RNF38: variants seen among roughly 807,000 people sequenced by gnomAD.
RNF38 encodes the protein ring finger protein 38.
A neutral mutation model predicts 67.2 loss-of-function variants in RNF38; 15 were observed. The observed-to-expected ratio is 0.22, with a 90% CI of 0.15 to 0.34. RNF38 has a LOEUF of 0.34. Ranked by LOEUF, RNF38 falls within the 10% of genes least tolerant of loss-of-function variation. The pLI, the probability that RNF38 is intolerant of heterozygous loss-of-function variation, is 1.00. For missense variants in RNF38, 524 were observed against 639.9 expected (o/e 0.82, Z 1.95); for synonymous variants, 220 against 218.8 (o/e 1.01, Z -0.05).
intron 3 of RNF38, among the ~76,000 whole-genome samples, chr9:36,370,159 T>C (rs1229422153): frequency 2.0e-5 from 3 of 152,206 alleles, no homozygotes; most frequent in Non-Finnish European, 4.4e-5. Flanking sequence ...TGAAAGTATT[T>C]AGAAATCAAC....
chr9:36,438,770 G>A (rs1839127654), intron 1 of RNF38, among the ~76,000 whole-genome samples: 1 of 152,176 alleles, frequency 6.6e-6, no homozygotes, highest in Admixed American at 6.6e-5. Context: ...CTGAATAGGT[G>A]AGAGACTTGA....
At chr9:36,442,510 A>C (rs1218533536) in intron 1 of RNF38, among the ~76,000 whole-genome samples, 1 of 152,228 alleles carries the variant, frequency 6.6e-6, no homozygotes, top group Non-Finnish European at 1.5e-5. Context: ...TGCCAGGCGC[A>C]GTGGCTCACG....
chr9:36,474,296 G>A (rs1004783001), intron 1 of RNF38, among the ~76,000 whole-genome samples: 1 of 148,138 alleles, frequency 6.8e-6, no homozygotes, highest in Admixed American at 6.7e-5. Flanking sequence ...CTGGGCGACA[G>A]AGCAAGACTC....
chr9:36,397,025 GTA>G (rs1485483856), intron 1 of RNF38, among the ~76,000 whole-genome samples: 38 of 112,644 alleles, frequency 3.4e-4, no homozygotes, highest in African/African-American at 1.2e-3. Context: ...GTGTGTGTGT[GTA>G]TATACGTATA....
rs756441630 is a variant in RNF38, at chr9:36,356,266, A to C, written c.909+37T>G. On this transcript the variant is annotated intron_variant, in intron 6 of 11. Transcript: ENST00000259605. Reference sequence around the variant, plus strand: ...TCTGAAAAAATTAAAAATTAGTTAAAAACTAAACATTCTGACATAATAGTA... The same window carrying C: ...TCTGAAAAAATTAAAAATTAGTTAACAACTAAACATTCTGACATAATAGTA... 6.2e-6 allele frequency: 10 copies of C among 1,602,944 alleles called. No individual in the cohort carries two copies. The African/African-American group carries it at 1.2e-4, about 19-fold the overall frequency.
rs71494622 is a variant in RNF38, at chr9:36,373,589, C to CTT, written c.356+2343_356+2344dup. 1.0e-3 allele frequency among the ~76,000 whole-genome samples: 135 copies of CTT among 131,738 alleles called. 1 individual carries two copies. Among genetic ancestry groups the CTT allele is most frequent in the African/African-American group, 3.5e-3 (124 of 35,014 alleles). 86.4% of individuals were successfully genotyped at this position (131,738 alleles called of 152,430 possible). On this transcript the variant is annotated intron_variant, in intron 3 of 11. Coordinates refer to ENST00000259605, the MANE Select transcript of RNF38 (RefSeq NM_022781.5). Reference sequence around the variant, plus strand: ...TGGTGGGTGTATGTATTTGTTAGCCCTTTTTTTTTTTTTTTTTTTAATTTG... The same window carrying CTT: ...TGGTGGGTGTATGTATTTGTTAGCCCTTTTTTTTTTTTTTTTTTTTTAATTTG...
At position 36,342,361 on chromosome 9, in the gene RNF38, G is replaced by A. The variant is rs1437698667; in HGVS notation, c.1449C>T (p.His483=). The change falls in exon 11 of 12, where the codon CAC becomes CAT. Residue 483 remains histidine (H), a synonymous_variant. Transcript: ENST00000259605. ...RQLLRVLPCN[H]EFHAKCVDKW... ...TGTCAACACACTTGGCATGGAACTC[G>A]TGGTTACAGGGTAAGACTCTAAGTA... 2.5e-6 allele frequency: 4 copies of A among 1,613,658 alleles called. No individual in the cohort carries two copies. Among genetic ancestry groups the A allele is most frequent in the South Asian group, 1.1e-5 (1 of 91,068 alleles).
chr9:36,377,121 C>T (rs755795926), intron 2 of RNF38, among the ~76,000 whole-genome samples: 2 of 152,134 alleles, frequency 1.3e-5, no homozygotes, highest in African/African-American at 2.4e-5. Context: ...GCATTAATAA[C>T]ACTCCAGGGT....
intron 1 of RNF38, among the ~76,000 whole-genome samples, chr9:36,484,487 T>C (rs560316459): frequency 1.3e-5 from 2 of 152,324 alleles, no homozygotes; most frequent in South Asian, 4.1e-4. Flanking sequence ...ATTTAGAGTA[T>C]ACTAAATATC....
upstream of RNF38, chr9:36,401,188 C>CGAGGGGG (rs1838010332): frequency 1.0e-6 from 1 of 973,506 alleles, no homozygotes; most frequent in African/African-American, 1.8e-5. Flanking sequence ...GTTTCCACCC[C>CGAGGGGG]GAGGGGGAAG....
intron 1 of RNF38, among the ~76,000 whole-genome samples, chr9:36,449,160 A>G (rs1839377994): frequency 6.6e-6 from 1 of 152,180 alleles, no homozygotes; most frequent in South Asian, 2.1e-4. Flanking sequence ...CACAAGAACT[A>G]CTCAGAGACT....
intron 1 of RNF38, among the ~76,000 whole-genome samples, chr9:36,439,110 A>T (rs978740278): frequency 6.6e-6 from 1 of 152,254 alleles, no homozygotes; most frequent in African/African-American, 2.4e-5. Flanking sequence ...TTGAATTCAA[A>T]TAAACAAGAA....
chr9:36,484,548 T>C (rs1003393865), intron 1 of RNF38, among the ~76,000 whole-genome samples: 5 of 152,186 alleles, frequency 3.3e-5, no homozygotes, highest in Admixed American at 2.0e-4. Context: ...ATTACCTGAT[T>C]CAGATTTTTT....
At chr9:36,478,526 A>C (rs1176158450) in intron 1 of RNF38, among the ~76,000 whole-genome samples, 5 of 151,636 alleles carry the variant, frequency 3.3e-5, no homozygotes, top group Non-Finnish European at 5.9e-5. Context: ...AAAAAAAAAA[A>C]AAAAAGATTG....
chr9:36,374,567 T>C (rs928972437), intron 3 of RNF38, among the ~76,000 whole-genome samples: 1 of 152,112 alleles, frequency 6.6e-6, no homozygotes, highest in African/African-American at 2.4e-5. Flanking sequence ...CTCCGCCTCC[T>C]GGGTTCAAGC....
chr9:36,430,028 C>T (rs1564059856), intron 1 of RNF38, among the ~76,000 whole-genome samples: 1 of 152,062 alleles, frequency 6.6e-6, no homozygotes. Flanking sequence ...TTCTAGCATA[C>T]TATCATCAGA....
chr9:36,458,607 C>T (rs1392420737), intron 1 of RNF38, among the ~76,000 whole-genome samples: 3 of 152,180 alleles, frequency 2.0e-5, no homozygotes, highest in African/African-American at 4.8e-5. Context: ...CGAAGATCTG[C>T]GGCTTCACTC....
chr9:36,453,899 T>C (rs564568739), intron 1 of RNF38, among the ~76,000 whole-genome samples: 54 of 152,298 alleles, frequency 3.5e-4, no homozygotes, highest in African/African-American at 1.3e-3. Flanking sequence ...GAAATATTTA[T>C]AGATAAATGA....
chr9:36,430,069 C>T (rs940695612), intron 1 of RNF38, among the ~76,000 whole-genome samples: 1 of 152,150 alleles, frequency 6.6e-6, no homozygotes, highest in African/African-American at 2.4e-5. Context: ...TCCTACCCTA[C>T]TCTCACCCAG....
Sources: gnomAD v4.1 joint callset for allele counts (sites outside exome capture counted in the v4.1 genomes callset) on GRCh38, gnomAD v4.1.1 for gene constraint, MANE v1.5 for transcripts, NCBI Gene and HGNC (gene_info 2026-07-23, HGNC 2026-07-21) for gene names.